OR2J2: variants seen among roughly 807,000 people sequenced by gnomAD.
OR2J2 encodes olfactory receptor 2J2.
A neutral mutation model predicts 16.9 loss-of-function variants in OR2J2; 13 were observed. The ratio of observed to expected loss-of-function variants is 0.77; its 90% confidence interval spans 0.50 to 1.23. The LOEUF is 1.23. Ranked by LOEUF, OR2J2 falls within the 50% of genes most tolerant of loss-of-function variation. The pLI is 0.00. For missense variants in OR2J2, 341 were observed against 379.1 expected, an observed-to-expected ratio of 0.90 and a Z score of 0.84; for synonymous variants, 125 against 141.2, an observed-to-expected ratio of 0.89 and a Z score of 0.81.
chr6:29,172,418 A>G lies in OR2J2; in HGVS notation c.-17-1201A>G, dbSNP rs578088195. On this transcript the variant is annotated intron_variant, in intron 1 of 1. Coordinates refer to ENST00000641417, the MANE Select transcript of OR2J2 (RefSeq NM_030905.3). ...GAGTTGGCTGTGGCAGGAGGGGAGC[A>G]GAAGGGGGATGGCAAAACTATGTAG... Among the ~76,000 whole-genome samples the G allele has an allele frequency of 3.3e-5, 5 of 152,202 alleles. No homozygotes were observed. In the South Asian group the frequency reaches 1.0e-3, roughly 32 times the overall value.
chr6:29,174,584 C>A lies in OR2J2; in HGVS notation c.*10C>A. On this transcript the variant is annotated 3_prime_UTR_variant, in exon 2 of 2. Coordinates refer to ENST00000641417, the MANE Select transcript of OR2J2 (RefSeq NM_030905.3). The stretch of plus-strand genomic sequence containing the variant: ...GGAGTGGGGGAAGTGACAGGGAAAT[C>A]ATGTTGTCTGTTGTCATTGTTTTTC... 6.3e-7 allele frequency: 1 copy of A among 1,579,294 alleles called. No individual in the cohort carries two copies. Among genetic ancestry groups the A allele is most frequent in the South Asian group, 1.2e-5 (1 of 85,436 alleles).
At position 29,175,305 on chromosome 6, in the gene OR2J2, T is replaced by C. The variant is rs1283990123; in HGVS notation, c.*731T>C. On this transcript the variant is annotated 3_prime_UTR_variant, in exon 2 of 2. Coordinates refer to ENST00000641417, the MANE Select transcript of OR2J2 (RefSeq NM_030905.3). ...GGTAACATGTATAAATATAACATAC[T>C]CTGTCTGAACAGAACACACTCTCTG... The C allele has an allele frequency of 1.3e-5, 2 of 152,160 alleles. No individual in the cohort carries two copies. The highest frequency in any genetic ancestry group is 2.9e-5 in the Non-Finnish European group (2 of 68,032). The allele number at this position is 152,160 out of a possible 1,614,324, so 9.4% of individuals were successfully genotyped here. A position where few individuals can be genotyped will look rare whatever the true frequency, so the allele number is the denominator to read the frequency against.
Position 29,173,848 on chromosome 6 carries a change from T to C in OR2J2, c.213T>C (p.Asp71=). 6.2e-7 allele frequency: 1 copy of C among 1,612,674 alleles called. No individual in the cohort carries two copies. Among genetic ancestry groups the C allele is most frequent in the African/African-American group, 1.3e-5 (1 of 74,574 alleles). ...TCCTTTCAAACCTCTCATTTCTGGA[T>C]CTCTGCTACACCACCAGCTCTATCC... ...YFFLSNLSFL[D]LCYTTSSIPQ... Residue 71 remains aspartate (D), a synonymous_variant, in exon 2 of 2, where the codon GAT becomes GAC. Transcript: ENST00000641417.
chr6:29,173,717 C>T lies in OR2J2; in HGVS notation c.82C>T (p.Leu28Phe). 1 of 1,613,792 alleles carries T rather than the reference C, an allele frequency of 6.2e-7. No individual in the cohort carries two copies. The highest frequency in any genetic ancestry group is 8.5e-7 in the Non-Finnish European group (1 of 1,179,930). The change falls in exon 2 of 2, where the codon CTC becomes TTC. Residue 28 changes from leucine to phenylalanine, a missense_variant. By Grantham distance (22) the Leu-to-Phe change is conservative. Transcript: ENST00000641417. Reference protein sequence around the residue: ...FSNWPQLEVVLFVVILIFYLM... With the variant: ...FSNWPQLEVVFFVVILIFYLM... ...TAATTGGCCTCAGCTGGAAGTAGTTCTCTTTGTGGTTATCTTGATCTTCTA... is the reference window on the plus strand; with the variant it reads ...TAATTGGCCTCAGCTGGAAGTAGTTTTCTTTGTGGTTATCTTGATCTTCTA...
In OR2J2 at chr6:29,174,431, G is replaced by C; in HGVS notation, c.796G>C (p.Glu266Gln). 1 of 1,613,948 alleles carries C rather than the reference G, an allele frequency of 6.2e-7. No homozygotes were observed. Among genetic ancestry groups the C allele is most frequent in the Non-Finnish European group, 8.5e-7 (1 of 1,180,002 alleles). ...GTGCATGTATCTCCAGCCACCATCA[G>C]AAAATTCTCCTGATCAGGGCAAGTT... ...VMCMYLQPPS[E>Q]NSPDQGKFIA... The change falls in exon 2 of 2, where the codon GAA (glutamate) becomes CAA (glutamine). Residue 266 changes from glutamate (E) to glutamine (Q), a missense_variant. By Grantham distance (29) the Glu-to-Gln change is conservative. Coordinates refer to ENST00000641417, the MANE Select transcript of OR2J2 (RefSeq NM_030905.3).
rs368124925 is a variant in OR2J2 at position 29,174,162 on chromosome 6, A to T, written c.527A>T (p.Asp176Val). Reference sequence around the variant, plus strand: ...CCCCTTTGTGGACATCGCCTAGTGGATCACTTCTTCTGTGAAGTTCCAGCA... The same window carrying T: ...CCCCTTTGTGGACATCGCCTAGTGGTTCACTTCTTCTGTGAAGTTCCAGCA... ...WVPLCGHRLV[D>V]HFFCEVPALL... The change falls in exon 2 of 2, where the codon GAT (aspartate) becomes GTT (valine). Residue 176 changes from aspartate (D) to valine (V), a missense_variant. Physicochemically the swap from Asp to Val is radical, Grantham distance 152. Transcript: ENST00000641417. 6.2e-6 allele frequency: 10 copies of T among 1,613,446 alleles called. No homozygotes were observed. The highest frequency in any genetic ancestry group is 8.5e-6 in the Non-Finnish European group (10 of 1,179,894).
chr6:29,173,348 G>T, intron 1 of OR2J2: 1 of 324,688 alleles, frequency 3.1e-6, no homozygotes, highest in Non-Finnish European at 5.5e-6. Flanking sequence ...CATAAATATT[G>T]TGTTCCTGAT....
In OR2J2 at chr6:29,175,301, A is replaced by T. The variant is rs1350860281; in HGVS notation, c.*727A>T. On this transcript the variant is annotated 3_prime_UTR_variant, in exon 2 of 2. Transcript: ENST00000641417. The stretch of plus-strand genomic sequence containing the variant: ...TCTTGGTAACATGTATAAATATAAC[A>T]TACTCTGTCTGAACAGAACACACTC... 1 of 152,142 alleles carries T rather than the reference A, an allele frequency of 6.6e-6. No homozygotes were observed. The highest frequency in any genetic ancestry group is 1.5e-5 in the Non-Finnish European group (1 of 68,034). The allele number at this position is 152,142 out of a possible 1,614,324, so 9.4% of individuals were successfully genotyped here.
rs775420912 is a variant in OR2J2, at chr6:29,174,153, G to A, written c.518G>A (p.Arg173His). ...TTCTGGGTACCCCTTTGTGGACATC[G>A]CCTAGTGGATCACTTCTTCTGTGAA... ...FTFWVPLCGH[R>H]LVDHFFCEVP... Residue 173 changes from arginine (R) to histidine (H), a missense_variant, in exon 2 of 2, where the codon CGC (arginine) becomes CAC (histidine). By Grantham distance (29) the Arg-to-His change is conservative. Transcript: ENST00000641417. The A allele has an allele frequency of 1.9e-6, 3 of 1,613,390 alleles. No individual in the cohort carries two copies. Among genetic ancestry groups the A allele is most frequent in the Non-Finnish European group, 2.5e-6 (3 of 1,179,882 alleles).
At position 29,174,903 on chromosome 6, in the gene OR2J2, C is replaced by T; in HGVS notation, c.*329C>T. 4.1e-6 allele frequency: 1 copy of T among 244,898 alleles called. No homozygotes were observed. The highest frequency in any genetic ancestry group is 7.8e-6 in the Non-Finnish European group (1 of 128,884). 15.2% of individuals were successfully genotyped at this position (244,898 alleles called of 1,614,324 possible). On this transcript the variant is annotated 3_prime_UTR_variant, in exon 2 of 2. Transcript: ENST00000641417. Reference sequence around the variant, plus strand: ...TGTTGGGAATATTTCTAACAATGTGCTAAATTATGAACTGATGATATATAC... The same window carrying T: ...TGTTGGGAATATTTCTAACAATGTGTTAAATTATGAACTGATGATATATAC...
Position 29,174,377 on chromosome 6 carries a change from G to A in OR2J2, c.742G>A (p.Val248Ile), listed in dbSNP as rs770519239. ...VFRTCGAHLM[V>I]VSLFFIPVMC... ...TAGGACATGTGGAGCCCATCTTATGGTTGTATCTCTCTTTTTCATTCCAGT... is the reference window on the plus strand; with the variant it reads ...TAGGACATGTGGAGCCCATCTTATGATTGTATCTCTCTTTTTCATTCCAGT... Residue 248 changes from valine to isoleucine, a missense_variant, in exon 2 of 2, where the codon GTT becomes ATT. Coordinates refer to ENST00000641417, the MANE Select transcript of OR2J2 (RefSeq NM_030905.3). 6.2e-7 allele frequency: 1 copy of A among 1,613,880 alleles called. No homozygotes were observed. The highest frequency in any genetic ancestry group is 8.5e-7 in the Non-Finnish European group (1 of 1,179,970).
rs146400315 is a variant in OR2J2 at position 29,173,969 on chromosome 6, G to A, written c.334G>A (p.Glu112Lys). ...LYFVLALGITECVLLVVMSYD... is the reference protein window; with the variant it reads ...LYFVLALGITKCVLLVVMSYD... ...CTTTGTTCTTGCACTGGGAATCACA[G>A]AGTGTGTCCTACTGGTGGTGATGTC... is the stretch of plus-strand genomic sequence containing the variant. Residue 112 changes from glutamate (E) to lysine (K), a missense_variant, in exon 2 of 2, where the codon GAG becomes AAG. Transcript: ENST00000641417. 758 of 1,612,350 alleles carry A rather than the reference G, an allele frequency of 4.7e-4. 3 individuals carry two copies. In the African/African-American group the frequency reaches 7.5e-3, roughly 16 times the overall value.
chr6:29,173,813 A>G lies in OR2J2; in HGVS notation c.178A>G (p.Met60Val), dbSNP rs761648641. The G allele has an allele frequency of 1.1e-4, 183 of 1,613,000 alleles. No individual in the cohort carries two copies. Among genetic ancestry groups the G allele is most frequent in the Non-Finnish European group, 1.5e-4 (178 of 1,179,856 alleles). ...SYVDSHLHTP[M>V]YFFLSNLSFL... Reference sequence around the variant, plus strand: ...CGTGGACTCCCATCTCCACACACCAATGTACTTCTTCCTTTCAAACCTCTC... The same window carrying G: ...CGTGGACTCCCATCTCCACACACCAGTGTACTTCTTCCTTTCAAACCTCTC... The change falls in exon 2 of 2, where the codon ATG becomes GTG. Residue 60 changes from methionine (M) to valine (V), a missense_variant. By Grantham distance (21) the Met-to-Val change is conservative (BLOSUM62 1). Transcript: ENST00000641417.
At chr6:29,171,901 G>A (rs549574062) in intron 1 of OR2J2, among the ~76,000 whole-genome samples, 2 of 152,234 alleles carry the variant, frequency 1.3e-5, no homozygotes, top group East Asian at 3.9e-4. Context: ...GTACCAGTCT[G>A]GAGCATTTGC....
rs1215313940 is a variant in OR2J2 at position 29,174,565 on chromosome 6, G to A, written c.930G>A (p.Trp310Ter). 1 of 1,599,146 alleles carries A rather than the reference G, an allele frequency of 6.3e-7. No individual in the cohort carries two copies. The highest frequency in any genetic ancestry group is 1.7e-4 in the Middle Eastern group (1 of 5,974). ...CGAAGAGACTATTGGGGTGGGAGTG[G>A]GGGAAGTGACAGGGAAATCATGTTG... ...GAAKRLLGWE[W>*]GK Residue 310 changes from tryptophan (W) to a stop codon, truncating the protein, a stop_gained, in exon 2 of 2, where the codon TGG (tryptophan) becomes TGA (stop). Coordinates refer to ENST00000641417, the MANE Select transcript of OR2J2 (RefSeq NM_030905.3). LOFTEE classifies it high-confidence loss of function.
In OR2J2 at chr6:29,173,603, G is replaced by T; in HGVS notation, c.-17-16G>T. ...ATGCATGGACAGACTTTGAGTTTAT[G>T]TGGTTCTTTCTTTAGGTATAAGAAA... On this transcript the variant is annotated splice_polypyrimidine_tract_variant and intron_variant, in intron 1 of 1. Coordinates refer to ENST00000641417, the MANE Select transcript of OR2J2 (RefSeq NM_030905.3). 6.6e-7 allele frequency: 1 copy of T among 1,508,192 alleles called. No individual in the cohort carries two copies. The highest frequency in any genetic ancestry group is 9.0e-7 in the Non-Finnish European group (1 of 1,110,564). The allele number at this position is 1,508,192 out of a possible 1,614,324, so 93.4% of individuals were successfully genotyped here. A position where few individuals can be genotyped will look rare whatever the true frequency, so the allele number is the denominator to read the frequency against.
In OR2J2 at chr6:29,174,472, T is replaced by C; in HGVS notation, c.837T>C (p.Tyr279=). ...PDQGKFIALF[Y]TVVTPSLNPL... ...AGGGCAAGTTCATTGCCCTCTTTTA[T>C]ACTGTTGTCACACCGAGTCTTAATC... The change falls in exon 2 of 2, where the codon TAT becomes TAC. Residue 279 remains tyrosine (Y), a synonymous_variant. Coordinates refer to ENST00000641417, the MANE Select transcript of OR2J2 (RefSeq NM_030905.3). 1 of 1,614,024 alleles carries C rather than the reference T, an allele frequency of 6.2e-7. No homozygotes were observed. Among genetic ancestry groups the C allele is most frequent in the Non-Finnish European group, 8.5e-7 (1 of 1,179,990 alleles).
At chr6:29,173,033 G>A (rs1765586056) in intron 1 of OR2J2, among the ~76,000 whole-genome samples, 1 of 152,026 alleles carries the variant, frequency 6.6e-6, no homozygotes, top group Non-Finnish European at 1.5e-5. Flanking sequence ...TGTGTATATT[G>A]TGAATTTTTA....
At position 29,173,807 on chromosome 6, in the gene OR2J2, A is replaced by G. The variant is rs1283252433; in HGVS notation, c.172A>G (p.Thr58Ala). ...GTCATACGTGGACTCCCATCTCCAC[A>G]CACCAATGTACTTCTTCCTTTCAAA... ...ILSYVDSHLH[T>A]PMYFFLSNLS... The change falls in exon 2 of 2, where the codon ACA (threonine) becomes GCA (alanine). Residue 58 changes from threonine (T) to alanine (A), a missense_variant. Coordinates refer to ENST00000641417, the MANE Select transcript of OR2J2 (RefSeq NM_030905.3). 1 of 1,613,568 alleles carries G rather than the reference A, an allele frequency of 6.2e-7. No individual in the cohort carries two copies. Among genetic ancestry groups the G allele is most frequent in the Non-Finnish European group, 8.5e-7 (1 of 1,179,908 alleles).
Sources: gnomAD v4.1 joint callset for allele counts (sites outside exome capture counted in the v4.1 genomes callset) on GRCh38, gnomAD v4.1.1 for gene constraint, MANE v1.5 for transcripts, NCBI Gene and HGNC (gene_info 2026-07-23, HGNC 2026-07-21) for gene names.